The following ABCC1 variants were observed in gnomAD, a reference collection of about 807,000 sequenced individuals.
The protein encoded by ABCC1 is multidrug resistance-associated protein 1.
In ABCC1, 83 loss-of-function variants were observed where a neutral mutation model predicts 172.9. The observed-to-expected ratio is 0.48, with a 90% CI of 0.40 to 0.58. The LOEUF (loss-of-function observed/expected upper bound fraction) is 0.58, where lower values mean the gene tolerates loss of function less well. Among genes scored for constraint, ABCC1 ranks in the 20% least tolerant of loss-of-function variants. The pLI is 0.00. For missense variants in ABCC1, 1,817 were observed against 2,002.7 expected, an observed-to-expected ratio of 0.91 and a Z score of 1.77; for synonymous variants, 937 against 825.2, an observed-to-expected ratio of 1.14 and a Z score of -2.32.
chr16:16,108,542 T>C (rs576807332), intron 21 of ABCC1, among the ~76,000 whole-genome samples: 1 of 151,596 alleles, frequency 6.6e-6, no homozygotes, highest in South Asian at 2.1e-4. Flanking sequence ...GAGCTGGTGC[T>C]GGGATTATAG....
chr16:15,985,637 G>T (rs1015530399), intron 1 of ABCC1, among the ~76,000 whole-genome samples: 2 of 151,980 alleles, frequency 1.3e-5, no homozygotes, highest in African/African-American at 2.4e-5. Context: ...TAGAGACGGG[G>T]TTTCTTCATG....
chr16:15,998,312 AGACAG>A (rs1050273119), intron 1 of ABCC1, among the ~76,000 whole-genome samples: 2 of 151,998 alleles, frequency 1.3e-5, no homozygotes, highest in African/African-American at 2.4e-5. Context: ...TTTTTGGTGA[AGACAG>A]GGTCTTACTT....
intron 4 of ABCC1, among the ~76,000 whole-genome samples, chr16:16,015,380 C>T (rs2047957565): frequency 1.3e-5 from 2 of 152,218 alleles, no homozygotes; most frequent in South Asian, 4.2e-4. Flanking sequence ...CTTCGTGATC[C>T]ACCCGCCTCG....
intron 1 of ABCC1, among the ~76,000 whole-genome samples, chr16:15,984,048 T>C (rs953373909): frequency 6.6e-6 from 1 of 152,224 alleles, no homozygotes; most frequent in African/African-American, 2.4e-5. Flanking sequence ...CTCTTCATGT[T>C]TTCTTTAGCT....
At chr16:15,987,988 C>T (rs773763562) in intron 1 of ABCC1, among the ~76,000 whole-genome samples, 4 of 152,124 alleles carry the variant, frequency 2.6e-5, no homozygotes, top group South Asian at 2.1e-4. Flanking sequence ...GATGGAGTCT[C>T]GCTCTGTCAC....
chr16:16,087,384 T>C (rs554731797), intron 18 of ABCC1, among the ~76,000 whole-genome samples: 2 of 152,276 alleles, frequency 1.3e-5, no homozygotes, highest in South Asian at 4.1e-4. Flanking sequence ...CTTAACATAA[T>C]AGGAAATAGT....
chr16:16,052,672 C>T, intron 10 of ABCC1, 52 bp from the exon 11 acceptor site: 1 of 1,571,194 alleles, frequency 6.4e-7, no homozygotes, highest in Non-Finnish European at 8.8e-7. Flanking sequence ...CTGTTACGGG[C>T]CCTGTTTTCT....
intron 6 of ABCC1, among the ~76,000 whole-genome samples, chr16:16,035,561 G>A (rs1030335217): frequency 6.6e-6 from 1 of 151,116 alleles, no homozygotes; most frequent in African/African-American, 2.4e-5. Flanking sequence ...CACAATGACG[G>A]CTCTTTGCAG....
intron 23 of ABCC1, among the ~76,000 whole-genome samples, chr16:16,120,832 C>A (rs1168944228): frequency 3.3e-5 from 5 of 152,088 alleles, no homozygotes; most frequent in Non-Finnish European, 7.4e-5. Flanking sequence ...TGACCCTATC[C>A]TCATGGGCAT....
At chr16:15,994,174 G>C (rs1002401717) in intron 1 of ABCC1, among the ~76,000 whole-genome samples, 1 of 152,104 alleles carries the variant, frequency 6.6e-6, no homozygotes, top group Non-Finnish European at 1.5e-5. Context: ...GAGCTGTGAT[G>C]GTGCCAGTGT....
At chr16:15,975,265 G>A (rs942050880) in intron 1 of ABCC1, among the ~76,000 whole-genome samples, 8 of 152,200 alleles carry the variant, frequency 5.3e-5, no homozygotes, top group Non-Finnish European at 7.4e-5. Context: ...TGCACAGTTC[G>A]TTTTGTGACA....
At chr16:15,975,637 A>G (rs1313184821) in intron 1 of ABCC1, among the ~76,000 whole-genome samples, 4 of 150,928 alleles carry the variant, frequency 2.7e-5, no homozygotes, top group African/African-American at 9.8e-5. Flanking sequence ...GCTCACAGCA[A>G]CCTCTGCCTC....
intron 19 of ABCC1, among the ~76,000 whole-genome samples, chr16:16,100,761 C>T (rs980327207): frequency 6.6e-6 from 1 of 152,216 alleles, no homozygotes; most frequent in Admixed American, 6.5e-5. Context: ...GCACTGCGTG[C>T]AGTCTCGTTT....
chr16:16,135,381 C>G (rs212085), intron 28 of ABCC1, among the ~76,000 whole-genome samples: 57,169 of 152,076 alleles, frequency 0.38, 11,447 homozygotes, highest in Non-Finnish European at 0.44. Flanking sequence ...CCATGAGTAC[C>G]CAGAGTTTAG....
chr16:16,043,601 ATTG>A (rs1455866466), intron 7 of ABCC1, among the ~76,000 whole-genome samples: 1 of 143,836 alleles, frequency 7.0e-6, no homozygotes, highest in Non-Finnish European at 1.5e-5. Flanking sequence ...CGCCCAGCCT[ATTG>A]TTGTTCTTTC....
At chr16:16,035,598 C>T (rs550104330) in intron 6 of ABCC1, among the ~76,000 whole-genome samples, 3 of 151,646 alleles carry the variant, frequency 2.0e-5, no homozygotes, top group East Asian at 3.9e-4. Context: ...TTGAGCAATC[C>T]TGCCACCTCA....
At chr16:16,118,769 A>C (rs943411524) in intron 23 of ABCC1, among the ~76,000 whole-genome samples, 2 of 151,924 alleles carry the variant, frequency 1.3e-5, no homozygotes, top group African/African-American at 4.8e-5. Context: ...AGGCAGATAC[A>C]TGAAAACATC....
At chr16:15,989,092 A>G (rs895532222) in intron 1 of ABCC1, among the ~76,000 whole-genome samples, 1 of 128,408 alleles carries the variant, frequency 7.8e-6, no homozygotes. Flanking sequence ...AAAAAAAAAA[A>G]TTAGTTTTGC....
intron 21 of ABCC1, among the ~76,000 whole-genome samples, chr16:16,110,822 C>T (rs532353694): frequency 1.2e-4 from 19 of 152,186 alleles, no homozygotes; most frequent in African/African-American, 3.1e-4. Context: ...TCTGTGATGA[C>T]GCATTTATCT....
Sources: allele counts gnomAD v4.1 joint callset (sites outside exome capture counted in the v4.1 genomes callset), GRCh38; gene constraint gnomAD v4.1.1; transcripts MANE v1.5; gene names NCBI Gene and HGNC (gene_info 2026-07-23, HGNC 2026-07-21).